Variants in ACCSL observed in about 807,000 individuals in gnomAD.
ACCSL encodes probable inactive 1-aminocyclopropane-1-carboxylate synthase-like protein 2.
A neutral mutation model predicts 61.7 loss-of-function variants in ACCSL; 55 were observed. The observed-to-expected ratio is 0.89, with a 90% confidence interval of 0.72 to 1.12. The LOEUF (loss-of-function observed/expected upper bound fraction) is 1.12. Ranked by LOEUF, ACCSL falls within the 50% of genes most tolerant of loss-of-function variation. The probability of loss-of-function intolerance (pLI) is 0.00; values close to 1 mark genes in which losing one functional copy is unlikely to be tolerated. For missense variants in ACCSL, 632 were observed against 698.0 expected (o/e 0.91, Z 1.07); for synonymous variants, 258 against 264.3 (o/e 0.98, Z 0.23).
the ACCSL span, among the ~76,000 whole-genome samples, chr11:44,031,264 G>T: frequency 6.6e-6 from 1 of 152,190 alleles, no homozygotes. Context: ...TCCAGCAGAG[G>T]CTCCTGGATC....
chr11:44,030,175 C>G, the ACCSL span, among the ~76,000 whole-genome samples: 1 of 145,848 alleles, frequency 6.9e-6, no homozygotes, highest in Non-Finnish European at 1.5e-5. Flanking sequence ...ACTTGTCTCT[C>G]CCTGGGCCCT....
At chr11:44,003,384 G>A in the ACCSL span, among the ~76,000 whole-genome samples, 2 of 152,142 alleles carry the variant, frequency 1.3e-5, no homozygotes, top group Admixed American at 6.5e-5. Context: ...CTGGCATGGT[G>A]GCTCACACCT....
the ACCSL span, among the ~76,000 whole-genome samples, chr11:44,004,647 G>T: frequency 6.6e-6 from 1 of 152,192 alleles, no homozygotes; most frequent in South Asian, 2.1e-4. Context: ...CTTGCCCAAG[G>T]TCAAGTAGTG....
the ACCSL span, among the ~76,000 whole-genome samples, chr11:43,987,495 G>T: frequency 6.6e-6 from 1 of 152,218 alleles, no homozygotes; most frequent in Non-Finnish European, 1.5e-5. Context: ...CTTCTAGCAA[G>T]AAGTTGGCGC....
the ACCSL span, chr11:43,944,076 C>G: frequency 2.8e-6 from 1 of 356,362 alleles, no homozygotes; most frequent in South Asian, 2.2e-5. Context: ...AGTGGATCCA[C>G]CCCCGGTCCA....
At chr11:43,968,613 G>A in the ACCSL span, among the ~76,000 whole-genome samples, 1 of 152,166 alleles carries the variant, frequency 6.6e-6, no homozygotes, top group Non-Finnish European at 1.5e-5. Flanking sequence ...AGCTTGAGAT[G>A]TTTTAATTTA....
In ACCSL at chr11:44,051,652, G is replaced by T. The variant is rs1326649489; in HGVS notation, c.706-1G>T. ...TTCTGCCTCTCATGTGTTGTCTTCA[G>T]GTGGTGGTTCTAAATGGCTGCTGCT... On this transcript the variant is annotated splice_acceptor_variant, in intron 4 of 13. Transcript: ENST00000378832. LOFTEE classifies it high-confidence loss of function. 1.2e-6 allele frequency: 2 copies of T among 1,614,080 alleles called. No homozygotes were observed. Among genetic ancestry groups the T allele is most frequent in the African/African-American group, 2.7e-5 (2 of 74,942 alleles).
the ACCSL span, among the ~76,000 whole-genome samples, chr11:43,947,995 C>T: frequency 6.6e-6 from 1 of 152,186 alleles, no homozygotes; most frequent in Non-Finnish European, 1.5e-5. Flanking sequence ...AGCCTGCAGT[C>T]CTAGCCTGGG....
At chr11:43,999,417 C>T in the ACCSL span, among the ~76,000 whole-genome samples, 3 of 152,130 alleles carry the variant, frequency 2.0e-5, no homozygotes, top group Admixed American at 6.5e-5. Context: ...GCTGGGATTT[C>T]ATCTGAAGGC....
chr11:44,052,941 T>C, intron 6 of ACCSL, 50 bp from the exon 7 acceptor site: 2 of 1,576,516 alleles, frequency 1.3e-6, no homozygotes, highest in East Asian at 4.5e-5. Context: ...GAATGAGGAA[T>C]CAAGACTTAG....
At chr11:44,038,539 C>CG in the ACCSL span, among the ~76,000 whole-genome samples, 1 of 151,932 alleles carries the variant, frequency 6.6e-6, no homozygotes, top group African/African-American at 2.4e-5. Flanking sequence ...TGCAAAGGCC[C>CG]GGGGGAACAA....
the ACCSL span, among the ~76,000 whole-genome samples, chr11:43,989,824 C>T: frequency 1.6e-4 from 24 of 152,336 alleles, no homozygotes; most frequent in East Asian, 2.3e-3. Flanking sequence ...GAGTCTTCCA[C>T]ACTCTCCACA....
upstream of ACCSL, among the ~76,000 whole-genome samples, chr11:44,045,470 CA>C (rs1952592658): frequency 6.6e-6 from 1 of 152,072 alleles, no homozygotes; most frequent in Non-Finnish European, 1.5e-5. Flanking sequence ...ACAAAAAAAC[CA>C]AAACATTTTT....
At chr11:43,974,241 C>T in the ACCSL span, among the ~76,000 whole-genome samples, 13 of 152,212 alleles carry the variant, frequency 8.5e-5, no homozygotes, top group Non-Finnish European at 1.9e-4. Context: ...CTGTAATTCA[C>T]AGTGTTGGCA....
At chr11:43,967,666 G>A in the ACCSL span, among the ~76,000 whole-genome samples, 1 of 151,780 alleles carries the variant, frequency 6.6e-6, no homozygotes, top group Non-Finnish European at 1.5e-5. Flanking sequence ...TTTTTTCTCA[G>A]CAGCATTCTC....
the ACCSL span, among the ~76,000 whole-genome samples, chr11:43,931,919 A>G: frequency 6.6e-6 from 1 of 150,988 alleles, no homozygotes; most frequent in African/African-American, 2.4e-5. Context: ...CTAAAAGTGC[A>G]GAGCCCAGTG....
chr11:44,055,954 C>T (rs1222854744), intron 9 of ACCSL, 86 bp from the exon 10 acceptor site: 6 of 1,528,882 alleles, frequency 3.9e-6, no homozygotes, highest in African/African-American at 1.4e-5. Context: ...TAGGACCAAC[C>T]TCAAATCTAC....
At chr11:43,957,519 A>G in the ACCSL span, among the ~76,000 whole-genome samples, 2 of 152,214 alleles carry the variant, frequency 1.3e-5, no homozygotes, top group Non-Finnish European at 2.9e-5. Context: ...GCCTCTTATC[A>G]GACCTTAAAA....
chr11:43,931,836 G>C, the ACCSL span, among the ~76,000 whole-genome samples: 2 of 152,170 alleles, frequency 1.3e-5, no homozygotes, highest in Non-Finnish European at 2.9e-5. Context: ...CCTTCCACAG[G>C]GGGGCAACAT....
Sources: allele counts gnomAD v4.1 joint callset (sites outside exome capture counted in the v4.1 genomes callset), GRCh38; gene constraint gnomAD v4.1.1; transcripts MANE v1.5; gene names NCBI Gene and HGNC (gene_info 2026-07-23, HGNC 2026-07-21).